MTHFD2L: variants seen among roughly 807,000 people sequenced by gnomAD.
The protein encoded by MTHFD2L is methylenetetrahydrofolate dehydrogenase (NADP+ dependent) 2 like.
MTHFD2L carries 29 observed loss-of-function variants against 34.9 expected under a neutral mutation model. The observed-to-expected ratio is 0.83, with a 90% CI of 0.62 to 1.13. The LOEUF (loss-of-function observed/expected upper bound fraction) is 1.13. MTHFD2L is among the 50% of genes most tolerant of loss of function. The probability of loss-of-function intolerance (pLI) is 0.00; values close to 1 mark genes in which losing one functional copy is unlikely to be tolerated. For missense variants in MTHFD2L, 481 were observed against 446.5 expected, an observed-to-expected ratio of 1.08 and a Z score of -0.70; for synonymous variants, 167 against 155.7, an observed-to-expected ratio of 1.07 and a Z score of -0.54.
Position 74,225,406 on chromosome 4 carries a change from G to A in MTHFD2L, c.805+12G>A. ...CATAGTTGCTGCAGGTAAGTCCTTA[G>A]TGACTGTTATTTTTTGGAATGTCAT... is the stretch of plus-strand genomic sequence containing the variant. On this transcript the variant is annotated intron_variant, in intron 6 of 7. Transcript: ENST00000325278. 5 of 1,603,552 alleles carry A rather than the reference G, an allele frequency of 3.1e-6. No individual in the cohort carries two copies. Among genetic ancestry groups the A allele is most frequent in the Non-Finnish European group, 4.3e-6 (5 of 1,172,338 alleles).
intron 6 of MTHFD2L, among the ~76,000 whole-genome samples, chr4:74,254,587 CA>C (rs11379406): frequency 1.2e-4 from 17 of 142,842 alleles, no homozygotes; most frequent in African/African-American, 1.8e-4. Flanking sequence ...CCCCCACCTC[CA>C]AAAAAAAAAA....
At chr4:74,141,467 C>T (rs756650985) in intron 1 of MTHFD2L, among the ~76,000 whole-genome samples, 2 of 152,184 alleles carry the variant, frequency 1.3e-5, no homozygotes, top group Non-Finnish European at 2.9e-5. Flanking sequence ...AATCTGTCTC[C>T]TCCTTGCCAT....
At chr4:74,238,697 C>T (rs895750744) in intron 6 of MTHFD2L, among the ~76,000 whole-genome samples, 2 of 152,104 alleles carry the variant, frequency 1.3e-5, no homozygotes, top group African/African-American at 4.8e-5. Flanking sequence ...AGACAGTTCT[C>T]AAAAGAAGAC....
chr4:74,168,247 G>A (rs1727177392), intron 1 of MTHFD2L, among the ~76,000 whole-genome samples: 1 of 152,182 alleles, frequency 6.6e-6, no homozygotes, highest in African/African-American at 2.4e-5. Flanking sequence ...CTGACTTCAT[G>A]TCTTACCCTA....
intron 3 of MTHFD2L, among the ~76,000 whole-genome samples, chr4:74,184,275 A>T: frequency 6.6e-6 from 1 of 152,230 alleles, no homozygotes; most frequent in South Asian, 2.1e-4. Context: ...TATGTTGCTT[A>T]CATGAAACTA....
intron 6 of MTHFD2L, among the ~76,000 whole-genome samples, chr4:74,228,079 G>T (rs575066031): frequency 6.6e-6 from 1 of 152,218 alleles, no homozygotes; most frequent in South Asian, 2.1e-4. Flanking sequence ...CAGTAAGCTG[G>T]TACAGATAAC....
chr4:74,295,141 A>G (rs1274527302), intron 7 of MTHFD2L, among the ~76,000 whole-genome samples: 1 of 152,102 alleles, frequency 6.6e-6, no homozygotes, highest in Non-Finnish European at 1.5e-5. Flanking sequence ...TACAGCTACC[A>G]TCACCCAACC....
intron 6 of MTHFD2L, among the ~76,000 whole-genome samples, chr4:74,230,889 A>G (rs1031759135): frequency 6.6e-6 from 1 of 152,138 alleles, no homozygotes; most frequent in African/African-American, 2.4e-5. Flanking sequence ...CAGGATAGGC[A>G]AGTTTTTTTA....
At chr4:74,168,113 C>T (rs1392397520) in intron 1 of MTHFD2L, among the ~76,000 whole-genome samples, 2 of 152,176 alleles carry the variant, frequency 1.3e-5, no homozygotes, top group Non-Finnish European at 2.9e-5. Flanking sequence ...TTCATATTTT[C>T]ACCAGTTATT....
intron 3 of MTHFD2L, among the ~76,000 whole-genome samples, chr4:74,180,094 A>G (rs937998403): frequency 2.6e-5 from 4 of 152,120 alleles, no homozygotes; most frequent in Admixed American, 6.6e-5. Flanking sequence ...TATAGAATTT[A>G]CTATGAAAAA....
intron 6 of MTHFD2L, among the ~76,000 whole-genome samples, chr4:74,240,235 G>A (rs1741500068): frequency 1.3e-5 from 2 of 152,312 alleles, no homozygotes; most frequent in South Asian, 4.1e-4. Flanking sequence ...TACAGAATTA[G>A]ATAGTAAACA....
intron 5 of MTHFD2L, among the ~76,000 whole-genome samples, chr4:74,221,095 A>G (rs574351620): frequency 6.6e-6 from 1 of 151,142 alleles, no homozygotes; most frequent in South Asian, 2.1e-4. Flanking sequence ...AAAACTTCCA[A>G]TAGAAGGGTC....
At chr4:74,200,942 C>CT (rs935277993) in intron 4 of MTHFD2L, among the ~76,000 whole-genome samples, 5 of 152,100 alleles carry the variant, frequency 3.3e-5, no homozygotes, top group Admixed American at 2.0e-4. Context: ...TTGTACTTTG[C>CT]TTTTTTTATA....
intron 6 of MTHFD2L, among the ~76,000 whole-genome samples, chr4:74,251,039 C>G (rs915873289): frequency 6.6e-6 from 1 of 151,958 alleles, no homozygotes; most frequent in African/African-American, 2.4e-5. Context: ...TTCTCCTTCT[C>G]CACGACTTCA....
chr4:74,196,882 G>T (rs1733572383), intron 3 of MTHFD2L, among the ~76,000 whole-genome samples: 1 of 150,186 alleles, frequency 6.7e-6, no homozygotes, highest in African/African-American at 2.5e-5. Context: ...GGAGGCGGAG[G>T]TTGCAGTGAC....
intron 7 of MTHFD2L, among the ~76,000 whole-genome samples, chr4:74,286,232 T>C (rs913947628): frequency 3.3e-5 from 5 of 152,184 alleles, no homozygotes; most frequent in African/African-American, 4.8e-5. Flanking sequence ...GAAGAAACAG[T>C]ATTTAAAACC....
intron 6 of MTHFD2L, among the ~76,000 whole-genome samples, chr4:74,252,184 A>G (rs956301495): frequency 6.6e-6 from 1 of 152,242 alleles, no homozygotes; most frequent in Admixed American, 6.5e-5. Context: ...AGCAAATTTT[A>G]TACAGTTATG....
intron 5 of MTHFD2L, among the ~76,000 whole-genome samples, chr4:74,209,136 C>A (rs7676371): frequency 6.6e-6 from 1 of 151,914 alleles, no homozygotes; most frequent in African/African-American, 2.4e-5. Flanking sequence ...AGACCTTTTA[C>A]CAGTTTGCAC....
At chr4:74,216,542 A>G (rs550416365) in intron 5 of MTHFD2L, among the ~76,000 whole-genome samples, 1 of 151,878 alleles carries the variant, frequency 6.6e-6, no homozygotes, top group East Asian at 1.9e-4. Flanking sequence ...GCAGCCCTAT[A>G]GCTTTAAATA....
Sources: allele counts gnomAD v4.1 joint callset (sites outside exome capture counted in the v4.1 genomes callset), GRCh38; gene constraint gnomAD v4.1.1; transcripts MANE v1.5; gene names NCBI Gene and HGNC (gene_info 2026-07-23, HGNC 2026-07-21).